COL4A3: variants seen among roughly 807,000 people sequenced by gnomAD.
The protein encoded by COL4A3 is collagen alpha-3(IV) chain.
In COL4A3, 135 loss-of-function variants were observed where a neutral mutation model predicts 217.4. The observed-to-expected ratio is 0.62, with a 90% CI of 0.54 to 0.72. The LOEUF (loss-of-function observed/expected upper bound fraction) is 0.72, where lower values mean the gene tolerates loss of function less well. COL4A3 is among the 30% of genes least tolerant of loss of function. The probability of loss-of-function intolerance (pLI) is 0.00; values close to 1 mark genes in which losing one functional copy is unlikely to be tolerated. For missense variants in COL4A3, 1,868 were observed against 2,119.9 expected (o/e 0.88, Z 2.33); for synonymous variants, 690 against 736.3 (o/e 0.94, Z 1.02).
chr2:227,249,228 A>ATTTTTTTT lies in COL4A3; in HGVS notation c.546+709_546+710insTTTTTTTT, dbSNP rs1437063843. The stretch of plus-strand genomic sequence containing the variant: ...AATTAGCTAGTATATATATATATAT[A>ATTTTTTTT]TATTTTTTTTTTTTTTTTTTTTTTT... On this transcript the variant is annotated intron_variant, in intron 9 of 51. Transcript: ENST00000396578. Among the ~76,000 whole-genome samples the ATTTTTTTT allele has an allele frequency of 7.7e-4, 17 of 22,184 alleles. 1 individual carries two copies. Among genetic ancestry groups the ATTTTTTTT allele is most frequent in the African/African-American group, 2.2e-3 (15 of 6,686 alleles). 14.6% of individuals were successfully genotyped at this position (22,184 alleles called of 152,430 possible). A position where few individuals can be genotyped will look rare whatever the true frequency, so the allele number is the denominator to read the frequency against.
intron 1 of COL4A3, among the ~76,000 whole-genome samples, chr2:227,174,392 G>C (rs749930643): frequency 6.6e-6 from 1 of 152,112 alleles, no homozygotes; most frequent in Non-Finnish European, 1.5e-5. Flanking sequence ...TTCCAAAAAG[G>C]TCTCTCTTTT....
At chr2:227,233,833 G>A (rs929358112) in intron 1 of COL4A3, among the ~76,000 whole-genome samples, 3 of 152,056 alleles carry the variant, frequency 2.0e-5, no homozygotes, top group African/African-American at 7.2e-5. Flanking sequence ...GCACCCAGGC[G>A]GGTCCTATGG....
intron 1 of COL4A3, among the ~76,000 whole-genome samples, chr2:227,201,656 T>A (rs1015058244): frequency 1.3e-5 from 2 of 152,196 alleles, no homozygotes; most frequent in Non-Finnish European, 2.9e-5. Context: ...CTGATGTCAC[T>A]ATAGACACCA....
At chr2:227,302,031 G>GA (rs1345589395) in intron 43 of COL4A3, 1 of 152,254 alleles carries the variant, frequency 6.6e-6, no homozygotes, top group Non-Finnish European at 1.5e-5. Context: ...TGGACAGTAT[G>GA]AAAGTAGATT....
chr2:227,239,486 T>G (rs113499781), intron 2 of COL4A3, among the ~76,000 whole-genome samples: 16 of 152,160 alleles, frequency 1.1e-4, no homozygotes, highest in Non-Finnish European at 2.2e-4. Context: ...GAAAAATTAT[T>G]TGTTGGTAGA....
At chr2:227,303,757 G>A in intron 44 of COL4A3, 102 bp from the exon 45 acceptor site, 1 of 1,137,164 alleles carries the variant, frequency 8.8e-7, no homozygotes, top group Non-Finnish European at 1.3e-6. Flanking sequence ...AGAGCCTCCA[G>A]GCACACTTCT....
intron 1 of COL4A3, among the ~76,000 whole-genome samples, chr2:227,174,961 A>G (rs1449147204): frequency 2.0e-5 from 3 of 152,208 alleles, no homozygotes; most frequent in Non-Finnish European, 2.9e-5. Context: ...GTGAAGAGAC[A>G]AATGTGTAAC....
At chr2:227,182,027 C>T (rs928661165) in intron 1 of COL4A3, among the ~76,000 whole-genome samples, 3 of 152,032 alleles carry the variant, frequency 2.0e-5, no homozygotes, top group African/African-American at 7.2e-5. Flanking sequence ...AATATGATTT[C>T]CCATAAATTG....
chr2:227,210,981 T>C (rs939465331), intron 1 of COL4A3, among the ~76,000 whole-genome samples: 1 of 152,044 alleles, frequency 6.6e-6, no homozygotes, highest in Non-Finnish European at 1.5e-5. Context: ...TATAAAGCTG[T>C]AGTTTTTTTG....
At chr2:227,246,286 C>A (rs1237364255) in intron 6 of COL4A3, 1 of 533,862 alleles carries the variant, frequency 1.9e-6, no homozygotes. Context: ...AAATCAGAAA[C>A]CAAAGCTTTG....
chr2:227,275,225 G>C (rs561562412), intron 26 of COL4A3, among the ~76,000 whole-genome samples: 1 of 152,182 alleles, frequency 6.6e-6, no homozygotes, highest in Admixed American at 6.5e-5. Flanking sequence ...CTGCCACCCA[G>C]GCTGCAGTGC....
At position 227,191,851 on chromosome 2, in the gene COL4A3, T is replaced by C. The variant is rs1260455174; in HGVS notation, c.87+27038T>C. 2.6e-5 allele frequency among the ~76,000 whole-genome samples: 4 copies of C among 152,202 alleles called. No individual in the cohort carries two copies. Among genetic ancestry groups the C allele is most frequent in the East Asian group, 1.9e-4 (1 of 5,198 alleles). ...AGAACTTAGAATATTACAGATTCTC[T>C]TACAAAACACAAAGACCTTGGAATA... On this transcript the variant is annotated intron_variant, in intron 1 of 51. Coordinates refer to ENST00000396578, the MANE Select transcript of COL4A3 (RefSeq NM_000091.5). This position sits in a 1 kb window ranked among gnomAD's most constrained non-coding sequence, Gnocchi z 6.8.
intron 1 of COL4A3, among the ~76,000 whole-genome samples, chr2:227,184,480 T>G (rs1417628674): frequency 6.6e-6 from 1 of 152,220 alleles, no homozygotes; most frequent in Non-Finnish European, 1.5e-5. Flanking sequence ...AGCTTCTGCC[T>G]TGCTCATTGA....
intron 26 of COL4A3, among the ~76,000 whole-genome samples, chr2:227,273,868 T>G (rs576342251): frequency 1.4e-4 from 21 of 152,220 alleles, no homozygotes; most frequent in Non-Finnish European, 5.9e-5. Context: ...GATTCAGGAG[T>G]GTGGCTGAAG....
chr2:227,247,264 A>G (rs914191683), intron 7 of COL4A3, among the ~76,000 whole-genome samples: 1 of 152,204 alleles, frequency 6.6e-6, no homozygotes, highest in East Asian at 1.9e-4. Flanking sequence ...AGCAACATCA[A>G]TATCATGTCT....
At chr2:227,275,758 T>C (rs1190224218) in intron 26 of COL4A3, among the ~76,000 whole-genome samples, 1 of 152,178 alleles carries the variant, frequency 6.6e-6, no homozygotes, top group South Asian at 2.1e-4. Context: ...TACAAACCAA[T>C]GTCAGCCTTG....
intron 1 of COL4A3, among the ~76,000 whole-genome samples, chr2:227,174,739 C>G (rs115505020): frequency 1.4e-4 from 22 of 152,194 alleles, no homozygotes; most frequent in African/African-American, 5.3e-4. Context: ...ACTCCTGACC[C>G]GAAGTGATCC....
At chr2:227,246,192 T>C in intron 6 of COL4A3, 176 bp downstream of exon 6, 2 of 660,936 alleles carry the variant, frequency 3.0e-6, no homozygotes, top group Middle Eastern at 3.9e-4. Context: ...ATTCCTTGCT[T>C]TCTAATTGTC....
At chr2:227,233,281 G>A (rs1459125177) in intron 1 of COL4A3, among the ~76,000 whole-genome samples, 1 of 152,046 alleles carries the variant, frequency 6.6e-6, no homozygotes, top group African/African-American at 2.4e-5. Flanking sequence ...CCAAAGTGCT[G>A]GGATTACAGA....
Sources: allele counts gnomAD v4.1 joint callset (sites outside exome capture counted in the v4.1 genomes callset), GRCh38; gene constraint gnomAD v4.1.1; non-coding constraint Gnocchi (gnomAD v3.1); transcripts MANE v1.5; gene names NCBI Gene and HGNC (gene_info 2026-07-23, HGNC 2026-07-21).